The following TTC7A variants were observed in gnomAD, a reference collection of about 807,000 sequenced individuals.
TTC7A encodes tetratricopeptide repeat protein 7A.
A neutral mutation model predicts 103.7 loss-of-function variants in TTC7A; 110 were observed. That is an observed-to-expected ratio of 1.06 (90% CI 0.91 to 1.24). The LOEUF (loss-of-function observed/expected upper bound fraction) is 1.24, where lower values mean the gene tolerates loss of function less well. Among genes scored for constraint, TTC7A ranks in the 50% most tolerant of loss-of-function variants. The probability of loss-of-function intolerance (pLI) is 0.00; values close to 1 mark genes in which losing one functional copy is unlikely to be tolerated. For synonymous variants in TTC7A, 521 were observed against 467.9 expected (o/e 1.11, Z -1.47); for missense variants, 1,340 against 1,116.3 (o/e 1.20, Z -2.86).
chr2:46,993,413 G>C lies in TTC7A; in HGVS notation c.765-37G>C, dbSNP rs775257914. 2.0e-5 allele frequency: 32 copies of C among 1,605,442 alleles called. No individual in the cohort carries two copies. In the Admixed American group the frequency reaches 2.8e-4, roughly 14 times the overall value. Reference sequence around the variant, plus strand: ...GAGAGCATCCTTCTTTGCGAGCTAGGCTGGTAACAAATCTACTTCTGCCGT... The same window carrying C: ...GAGAGCATCCTTCTTTGCGAGCTAGCCTGGTAACAAATCTACTTCTGCCGT... On this transcript the variant is annotated intron_variant, in intron 5 of 19. Transcript: ENST00000319190.
intron 3 of TTC7A, chr2:46,958,451 T>C (rs1281020719): frequency 7.7e-7 from 1 of 1,293,400 alleles, no homozygotes; most frequent in East Asian, 5.6e-5. Context: ...TGAGCCTGGC[T>C]CAGGATGGAT....
intron 19 of TTC7A, among the ~76,000 whole-genome samples, chr2:47,072,834 C>G (rs1558655513): frequency 6.6e-6 from 1 of 152,216 alleles, no homozygotes; most frequent in Non-Finnish European, 1.5e-5. Context: ...CCTCCACTCA[C>G]TACCCTGTCC....
In TTC7A at chr2:47,073,879, A is replaced by G; in HGVS notation, c.2533A>G (p.Ser845Gly). Residue 845 changes from serine to glycine, a missense_variant, in exon 20 of 20, where the codon AGC (serine) becomes GGC (glycine). Transcript: ENST00000319190. The part of the protein sequence containing the change: ...CFLTALELEA[S>G]SPVLPFSIIP... The stretch of plus-strand genomic sequence containing the variant: ...CCTCACCGCCCTTGAGCTGGAGGCC[A>G]GCAGCCCTGTACTGCCCTTCTCCAT... The G allele has an allele frequency of 1.9e-6, 3 of 1,613,458 alleles. No homozygotes were observed. The highest frequency in any genetic ancestry group is 2.5e-6 in the Non-Finnish European group (3 of 1,180,008).
intron 11 of TTC7A, among the ~76,000 whole-genome samples, chr2:47,020,268 C>G (rs181062281): frequency 4.3e-4 from 66 of 152,330 alleles, no homozygotes; most frequent in African/African-American, 1.4e-3. Flanking sequence ...CTGTCTGGGG[C>G]TTGTCTTCCA....
intron 19 of TTC7A, among the ~76,000 whole-genome samples, chr2:47,070,866 C>T (rs1369132503): frequency 3.3e-5 from 5 of 152,196 alleles, no homozygotes; most frequent in African/African-American, 9.7e-5. Context: ...CTTTCGAATC[C>T]CTGTGGGCTG....
At chr2:47,072,281 G>A (rs1005465162) in intron 19 of TTC7A, among the ~76,000 whole-genome samples, 4 of 152,186 alleles carry the variant, frequency 2.6e-5, no homozygotes, top group African/African-American at 7.2e-5. Flanking sequence ...CGCCTCATCC[G>A]TGTGTGTGGT....
chr2:46,929,294 G>A (rs573718249), intron 2 of TTC7A, among the ~76,000 whole-genome samples: 1 of 152,134 alleles, frequency 6.6e-6, no homozygotes, highest in Non-Finnish European at 1.5e-5. Context: ...AGACCAGCCT[G>A]GTCAACATAG....
At chr2:47,057,367 G>A (rs2692215) in intron 18 of TTC7A, among the ~76,000 whole-genome samples, 69,749 of 152,120 alleles carry the variant, frequency 0.46, 20,330 homozygotes, top group African/African-American at 0.81. Flanking sequence ...GTTCTTCAGG[G>A]CGTGCTCTCT....
rs1447267276 is a variant in TTC7A, at chr2:46,941,596, C to A, written c.55C>A (p.Arg19Ser). Reference protein sequence around the residue: ...SYLKVESELERCRAEGHWDRM... With the variant: ...SYLKVESELESCRAEGHWDRM... ...CCTGAAGGTGGAGAGCGAGCTGGAG[C>A]GCTGCCGCGCCGAGGGCCACTGGGA... The change falls in exon 1 of 20, where the codon CGC (arginine) becomes AGC (serine). Residue 19 changes from arginine to serine, a missense_variant. Coordinates refer to ENST00000319190, the MANE Select transcript of TTC7A (RefSeq NM_020458.4). This position sits in a 1 kb window ranked among gnomAD's most constrained non-coding sequence, Gnocchi z 4.2. The A allele has an allele frequency of 1.3e-6, 2 of 1,556,962 alleles. No individual in the cohort carries two copies. Among genetic ancestry groups the A allele is most frequent in the Middle Eastern group, 1.7e-4 (1 of 5,962 alleles).
chr2:46,993,335 G>A, intron 5 of TTC7A, 115 bp from the exon 6 acceptor site: 2 of 927,188 alleles, frequency 2.2e-6, no homozygotes, highest in Non-Finnish European at 3.5e-6. Flanking sequence ...GTTATCGAAT[G>A]TGTTCAAATA....
intron 3 of TTC7A, chr2:46,958,672 T>G: frequency 1.6e-6 from 1 of 636,446 alleles, no homozygotes; most frequent in Non-Finnish European, 2.4e-6. Flanking sequence ...TCCTCCTCCC[T>G]GTCCTGCTGC....
At chr2:46,922,835 C>G (rs986650967) in intron 2 of TTC7A, among the ~76,000 whole-genome samples, 1 of 152,170 alleles carries the variant, frequency 6.6e-6, no homozygotes, top group African/African-American at 2.4e-5. Flanking sequence ...TGCCATCTAC[C>G]TAGAGATAAC....
chr2:47,014,490 G>T (rs1678424024), intron 11 of TTC7A, among the ~76,000 whole-genome samples: 2 of 152,170 alleles, frequency 1.3e-5, no homozygotes, highest in African/African-American at 4.8e-5. Context: ...CTGGAAACTG[G>T]CCCCATCCTT....
intron 18 of TTC7A, among the ~76,000 whole-genome samples, chr2:47,057,921 T>G (rs1215197010): frequency 6.6e-6 from 1 of 152,126 alleles, no homozygotes; most frequent in Non-Finnish European, 1.5e-5. Context: ...CTGAAGTGGT[T>G]TAGTGGCTCA....
intron 11 of TTC7A, among the ~76,000 whole-genome samples, chr2:47,020,489 C>T (rs1039692513): frequency 6.6e-6 from 1 of 152,300 alleles, no homozygotes; most frequent in Middle Eastern, 3.4e-3. Flanking sequence ...AGACAGAAAC[C>T]CAGCTCCCCA....
chr2:46,921,585 A>G (rs555577897), intron 2 of TTC7A, among the ~76,000 whole-genome samples: 1 of 152,320 alleles, frequency 6.6e-6, no homozygotes, highest in Admixed American at 6.5e-5. Context: ...CATGCAAATG[A>G]TATGCTCACT....
chr2:46,928,482 AAAAC>A (rs1340843780), intron 2 of TTC7A, among the ~76,000 whole-genome samples: 2 of 146,602 alleles, frequency 1.4e-5, no homozygotes, highest in African/African-American at 5.2e-5. Context: ...AAAAAAAAAA[AAAAC>A]TTGGGCCATG....
chr2:46,984,718 T>G (rs1487925690), intron 5 of TTC7A, among the ~76,000 whole-genome samples: 1 of 152,194 alleles, frequency 6.6e-6, no homozygotes, highest in African/African-American at 2.4e-5. Flanking sequence ...GTGCTTGGTG[T>G]ACAGTGCTCT....
intron 1 of TTC7A, among the ~76,000 whole-genome samples, chr2:46,944,123 C>T (rs1036043485): frequency 6.6e-6 from 1 of 152,122 alleles, no homozygotes; most frequent in Non-Finnish European, 1.5e-5. Context: ...AGGGGAACCC[C>T]AGAGTCCTGC....
Sources: gnomAD v4.1 joint callset for allele counts (sites outside exome capture counted in the v4.1 genomes callset) on GRCh38, gnomAD v4.1.1 for gene constraint, Gnocchi (gnomAD v3.1) non-coding constraint, MANE v1.5 for transcripts, NCBI Gene and HGNC (gene_info 2026-07-23, HGNC 2026-07-21) for gene names.